CADPS: variants seen among roughly 807,000 people sequenced by gnomAD.
The protein encoded by CADPS is calcium dependent secretion activator.
A neutral mutation model predicts 167.3 loss-of-function variants in CADPS; 57 were observed. That is an observed-to-expected ratio of 0.34 (90% CI 0.28 to 0.42). The LOEUF (loss-of-function observed/expected upper bound fraction) is 0.42, where lower values mean the gene tolerates loss of function less well. Among genes scored for constraint, CADPS ranks in the 20% least tolerant of loss-of-function variants. The pLI, the probability that CADPS is intolerant of heterozygous loss-of-function variation, is 1.00. For synonymous variants in CADPS, 676 were observed against 635.3 expected (o/e 1.06, Z -0.96); for missense variants, 1,414 against 1,738.1 (o/e 0.81, Z 3.32).
intron 26 of CADPS, among the ~76,000 whole-genome samples, chr3:62,462,807 G>A: frequency 6.6e-6 from 1 of 152,150 alleles, no homozygotes; most frequent in East Asian, 1.9e-4. Context: ...AACACAATTG[G>A]GCCGAAGGAA....
intron 10 of CADPS, among the ~76,000 whole-genome samples, chr3:62,552,634 T>C (rs1348123364): frequency 1.3e-5 from 2 of 152,214 alleles, no homozygotes; most frequent in Non-Finnish European, 2.9e-5. Flanking sequence ...ACATTTGTCA[T>C]TGGAAAAGAT....
rs377070713 is a variant in CADPS, at chr3:62,406,234, T to C, written c.3778-3049A>G. On this transcript the variant is annotated intron_variant, in intron 28 of 29. Transcript: ENST00000383710. ...GTGGGGGATTTTTTCATCATGGGAA[T>C]TGGCAAATGCCACAAACCAGGGCTT... Among the ~76,000 whole-genome samples, 46 of 152,280 alleles carry C rather than the reference T, an allele frequency of 3.0e-4. No individual in the cohort carries two copies. The East Asian group carries it at 7.9e-3, about 26-fold the overall frequency.
chr3:62,755,298 T>A (rs2083602630), intron 2 of CADPS, among the ~76,000 whole-genome samples: 1 of 152,160 alleles, frequency 6.6e-6, no homozygotes, highest in Admixed American at 6.5e-5. Flanking sequence ...AGACTTCTTC[T>A]ATTAAGAAAG....
At chr3:62,639,007 CCTA>C (rs1304748302) in intron 6 of CADPS, among the ~76,000 whole-genome samples, 1 of 151,976 alleles carries the variant, frequency 6.6e-6, no homozygotes, top group Non-Finnish European at 1.5e-5. Context: ...CACTGTCTAT[CCTA>C]CTGTCTGTTG....
chr3:62,804,910 G>C (rs2093996643), intron 1 of CADPS, among the ~76,000 whole-genome samples: 1 of 152,114 alleles, frequency 6.6e-6, no homozygotes, highest in South Asian at 2.1e-4. Flanking sequence ...TTTACTGAGA[G>C]TGAACAAAGT....
intron 3 of CADPS, among the ~76,000 whole-genome samples, chr3:62,684,619 A>T (rs191851380): frequency 3.6e-4 from 55 of 152,172 alleles, no homozygotes; most frequent in Admixed American, 1.1e-3. Context: ...TCAACTAAAC[A>T]TCCTTCTCTT....
At chr3:62,607,654 C>T (rs1578710115) in intron 6 of CADPS, among the ~76,000 whole-genome samples, 1 of 152,122 alleles carries the variant, frequency 6.6e-6, no homozygotes, top group Non-Finnish European at 1.5e-5. Flanking sequence ...CCCGTGAGAC[C>T]TCCCGGTTGC....
chr3:62,789,673 A>T (rs375863677), intron 1 of CADPS, among the ~76,000 whole-genome samples: 20 of 152,306 alleles, frequency 1.3e-4, no homozygotes, highest in African/African-American at 4.8e-4. Context: ...AGTAATCCAT[A>T]TGAGAAAACA....
intron 7 of CADPS, 31 bp from the exon 8 acceptor site, chr3:62,585,355 A>C: frequency 6.3e-7 from 1 of 1,590,238 alleles, no homozygotes; most frequent in Non-Finnish European, 8.5e-7. Flanking sequence ...GCAACTAGAA[A>C]AGAGAAGCAC....
At chr3:62,524,556 G>C (rs1192403040) in intron 13 of CADPS, among the ~76,000 whole-genome samples, 1 of 152,142 alleles carries the variant, frequency 6.6e-6, no homozygotes, top group African/African-American at 2.4e-5. Flanking sequence ...CTCCAAACAA[G>C]GCTTGGAAGG....
chr3:62,746,130 TGA>T (rs914763848), intron 3 of CADPS, among the ~76,000 whole-genome samples: 54 of 152,180 alleles, frequency 3.5e-4, no homozygotes, highest in African/African-American at 1.3e-3. Flanking sequence ...CCTCCCACAG[TGA>T]GTTATGCCCT....
chr3:62,610,735 C>T (rs1355811555), intron 6 of CADPS, among the ~76,000 whole-genome samples: 1 of 152,024 alleles, frequency 6.6e-6, no homozygotes, highest in East Asian at 1.9e-4. Flanking sequence ...GAGTGTGAGA[C>T]CCCCTCTTCT....
intron 1 of CADPS, among the ~76,000 whole-genome samples, chr3:62,775,663 T>A (rs988017984): frequency 1.3e-5 from 2 of 152,206 alleles, no homozygotes; most frequent in Non-Finnish European, 2.9e-5. Flanking sequence ...CTGTTGATTG[T>A]TTTTCCAAGT....
At chr3:62,805,393 C>T (rs1322659346) in intron 1 of CADPS, among the ~76,000 whole-genome samples, 2 of 152,148 alleles carry the variant, frequency 1.3e-5, no homozygotes, top group Non-Finnish European at 2.9e-5. Flanking sequence ...CATTTAGTAA[C>T]TGCCTTTGAT....
At chr3:62,409,986 A>C (rs2048646472) in intron 28 of CADPS, among the ~76,000 whole-genome samples, 1 of 152,142 alleles carries the variant, frequency 6.6e-6, no homozygotes, top group African/African-American at 2.4e-5. Flanking sequence ...TTCACAGGAA[A>C]ATTTTATTGA....
At chr3:62,507,128 T>C (rs2066834273) in intron 17 of CADPS, among the ~76,000 whole-genome samples, 2 of 152,202 alleles carry the variant, frequency 1.3e-5, no homozygotes, top group African/African-American at 2.4e-5. Context: ...TAAACTTTTA[T>C]GTACATTGCC....
rs1560145084 is a variant in CADPS at position 62,420,896 on chromosome 3, A to ACG, written c.3777+17207_3777+17208insCG. On this transcript the variant is annotated intron_variant, in intron 28 of 29. Coordinates refer to ENST00000383710, the MANE Select transcript of CADPS (RefSeq NM_003716.4). This position sits in a 1 kb window ranked among gnomAD's most constrained non-coding sequence, Gnocchi z 4.1. Reference sequence around the variant, plus strand: ...CACACACACACACACACACACACACACACACAGGCACACACACACACACTT... The same window carrying ACG: ...CACACACACACACACACACACACACACGCACACAGGCACACACACACACACTT... 8.2e-6 allele frequency among the ~76,000 whole-genome samples: 1 copy of ACG among 121,516 alleles called. No individual in the cohort carries two copies. Among genetic ancestry groups the ACG allele is most frequent in the Non-Finnish European group, 1.6e-5 (1 of 61,556 alleles). 79.7% of individuals were successfully genotyped at this position (121,516 alleles called of 152,430 possible).
intron 3 of CADPS, among the ~76,000 whole-genome samples, chr3:62,679,208 G>A (rs768328535): frequency 6.6e-6 from 1 of 152,088 alleles, no homozygotes; most frequent in Non-Finnish European, 1.5e-5. Flanking sequence ...ATTGGAGGGA[G>A]ACAGCCCGCT....
At chr3:62,545,280 T>C (rs1174915562) in intron 11 of CADPS, among the ~76,000 whole-genome samples, 2 of 152,144 alleles carry the variant, frequency 1.3e-5, no homozygotes, top group Non-Finnish European at 2.9e-5. Context: ...TACTAATTTT[T>C]ACTGTTCCAC....
Sources: gnomAD v4.1 joint callset for allele counts (sites outside exome capture counted in the v4.1 genomes callset) on GRCh38, gnomAD v4.1.1 for gene constraint, Gnocchi (gnomAD v3.1) non-coding constraint, MANE v1.5 for transcripts, NCBI Gene and HGNC (gene_info 2026-07-23, HGNC 2026-07-21) for gene names.